The following CHSY1 variants were observed in gnomAD, a reference collection of about 807,000 sequenced individuals.
CHSY1 encodes chondroitin sulfate synthase 1, also known as N-acetylgalactosaminyl-proteoglycan 3-beta-glucuronosyltransferase 1.
A neutral mutation model predicts 59.8 loss-of-function variants in CHSY1; 13 were observed. That is an observed-to-expected ratio of 0.22 (90% CI 0.14 to 0.35). The LOEUF (loss-of-function observed/expected upper bound fraction) is 0.35, where lower values mean the gene tolerates loss of function less well. Among genes scored for constraint, CHSY1 ranks in the 10% least tolerant of loss-of-function variants. The pLI is 1.00. For missense variants in CHSY1, 947 were observed against 1,030.6 expected, an observed-to-expected ratio of 0.92 and a Z score of 1.11; for synonymous variants, 459 against 401.2, an observed-to-expected ratio of 1.14 and a Z score of -1.72.
At chr15:101,222,555 T>C (rs969346565) in intron 2 of CHSY1, among the ~76,000 whole-genome samples, 1 of 152,190 alleles carries the variant, frequency 6.6e-6, no homozygotes. Context: ...TCTCTTCCAA[T>C]CTAGGGCCCC....
At chr15:101,245,854 T>A (rs920884184) in intron 1 of CHSY1, among the ~76,000 whole-genome samples, 1 of 152,236 alleles carries the variant, frequency 6.6e-6, no homozygotes, top group Non-Finnish European at 1.5e-5. Flanking sequence ...GGTTGATTAT[T>A]TGGATTTTAC....
chr15:101,251,266 T>TCGCCGCGCGCCC lies in CHSY1; in HGVS notation c.179_190dup (p.Gly60_Gly63dup), dbSNP rs1555437965. The TCGCCGCGCGCCC allele has an allele frequency of 7.4e-7, 1 of 1,356,556 alleles. No individual in the cohort carries two copies. The allele number at this position is 1,356,556 out of a possible 1,614,324, so 84.0% of individuals were successfully genotyped here. On this transcript the variant is annotated inframe_insertion, in exon 1 of 3. Transcript: ENST00000254190. ...CGGCCAGAGCTGCGCCCCGCGCGCATCGCCGCGCGCCCCGCCGGCCTGGGA... is the reference window on the plus strand; with the variant it reads ...CGGCCAGAGCTGCGCCCCGCGCGCATCGCCGCGCGCCCCGCCGCGCGCCCCGCCGGCCTGGGA...
chr15:101,243,754 A>T (rs2039025395), intron 1 of CHSY1, among the ~76,000 whole-genome samples: 1 of 152,244 alleles, frequency 6.6e-6, no homozygotes. Flanking sequence ...ACAACTTTGC[A>T]GTGCTTGGGC....
chr15:101,187,217 G>A (rs188959848), intron 2 of CHSY1, among the ~76,000 whole-genome samples: 2 of 152,316 alleles, frequency 1.3e-5, no homozygotes, highest in Non-Finnish European at 2.9e-5. Flanking sequence ...AGTGGCTCAC[G>A]CCTGTAATCC....
intron 2 of CHSY1, among the ~76,000 whole-genome samples, chr15:101,185,656 G>T (rs1300781261): frequency 6.9e-6 from 1 of 144,898 alleles, no homozygotes; most frequent in Non-Finnish European, 1.5e-5. Context: ...GCGGCCATTT[G>T]TACTGAACTT....
Position 101,178,907 on chromosome 15 carries a change from A to G in CHSY1, c.890T>C (p.Ile297Thr). 6.2e-7 allele frequency: 1 copy of G among 1,614,038 alleles called. No homozygotes were observed. The highest frequency in any genetic ancestry group is 1.1e-5 in the South Asian group (1 of 91,078). Residue 297 changes from isoleucine to threonine, a missense_variant, in exon 3 of 3, where the codon ATT becomes ACT. Around this residue, in one of 4 missense-constraint regions of CHSY1, gnomAD observed 602 missense variants for 676.9 expected, o/e 0.89. Coordinates refer to ENST00000254190, the MANE Select transcript of CHSY1 (RefSeq NM_014918.5). ...GGGGTGTAATGTGATAGCTTGGTGA[A>G]TTTTACTGTTATGGAGATCTCTAAT... ...GYIRDLHNSK[I>T]HQAITLHPNK... is the part of the protein sequence containing the mutation.
At chr15:101,251,069 G>A (rs2039104267) in intron 1 of CHSY1, 68 bp downstream of exon 1, 11 of 1,440,994 alleles carry the variant, frequency 7.6e-6, no homozygotes, top group Non-Finnish European at 1.0e-5. Flanking sequence ...AGAGCCAGGA[G>A]AGCACCCGGG....
At chr15:101,186,342 A>G (rs1340015228) in intron 2 of CHSY1, among the ~76,000 whole-genome samples, 1 of 151,796 alleles carries the variant, frequency 6.6e-6, no homozygotes, top group East Asian at 1.9e-4. Flanking sequence ...AAATAAATAA[A>G]TAAATAAATA....
At chr15:101,201,943 G>A (rs1022826692) in intron 2 of CHSY1, among the ~76,000 whole-genome samples, 1 of 152,210 alleles carries the variant, frequency 6.6e-6, no homozygotes, top group Non-Finnish European at 1.5e-5. Context: ...GCCCACTACA[G>A]CAGCTAAGGA....
At chr15:101,218,631 CA>C (rs2141265196) in intron 2 of CHSY1, among the ~76,000 whole-genome samples, 1 of 152,282 alleles carries the variant, frequency 6.6e-6, no homozygotes, top group Admixed American at 6.5e-5. Context: ...TACGTTAAAA[CA>C]GGCTGGGCGT....
intron 2 of CHSY1, among the ~76,000 whole-genome samples, chr15:101,193,146 G>A (rs1233913811): frequency 6.6e-6 from 1 of 152,220 alleles, no homozygotes; most frequent in Non-Finnish European, 1.5e-5. Context: ...CAGCAAAGCC[G>A]AGGTTGGCTC....
chr15:101,184,488 A>G (rs934019381), intron 2 of CHSY1, among the ~76,000 whole-genome samples: 1 of 151,396 alleles, frequency 6.6e-6, no homozygotes, highest in African/African-American at 2.4e-5. Context: ...AGCTGGAACT[A>G]TAAGCATACA....
rs2039114495 is a variant in CHSY1, at chr15:101,251,586, G to T, written c.-130C>A. 1 of 145,756 alleles carries T rather than the reference G, an allele frequency of 6.9e-6. No homozygotes were observed. The highest frequency in any genetic ancestry group is 6.9e-5 in the Admixed American group (1 of 14,530). 9.0% of individuals were successfully genotyped at this position (145,756 alleles called of 1,614,324 possible). On this transcript the variant is annotated 5_prime_UTR_variant, in exon 1 of 3. Coordinates refer to ENST00000254190, the MANE Select transcript of CHSY1 (RefSeq NM_014918.5). Reference sequence around the variant, plus strand: ...GCCCGGGCAGCGCCGCCGCCGCCGCGGGCCCGCCGCGCCCATCGCGGCCCC... The same window carrying T: ...GCCCGGGCAGCGCCGCCGCCGCCGCTGGCCCGCCGCGCCCATCGCGGCCCC...
intron 2 of CHSY1, among the ~76,000 whole-genome samples, chr15:101,225,429 T>C (rs1208789610): frequency 6.6e-6 from 1 of 152,176 alleles, no homozygotes; most frequent in Non-Finnish European, 1.5e-5. Flanking sequence ...TTGATATAGT[T>C]TGGATACTTG....
rs890312915 is a variant in CHSY1, at chr15:101,177,321, A to T, written c.*67T>A. The T allele has an allele frequency of 1.6e-5, 24 of 1,499,032 alleles. No individual in the cohort carries two copies. In the African/African-American group the frequency reaches 1.7e-4, roughly 11 times the overall value. The allele number at this position is 1,499,032 out of a possible 1,614,324, so 92.9% of individuals were successfully genotyped here. Reference sequence around the variant, plus strand: ...CCTTGTATACGGACTTCAAAAACTGATCATACAAAAAATTTTTGAAAAATA... The same window carrying T: ...CCTTGTATACGGACTTCAAAAACTGTTCATACAAAAAATTTTTGAAAAATA... On this transcript the variant is annotated 3_prime_UTR_variant, in exon 3 of 3. Coordinates refer to ENST00000254190, the MANE Select transcript of CHSY1 (RefSeq NM_014918.5).
At chr15:101,208,648 G>C (rs1341329267) in intron 2 of CHSY1, among the ~76,000 whole-genome samples, 1 of 149,846 alleles carries the variant, frequency 6.7e-6, no homozygotes, top group African/African-American at 2.5e-5. Context: ...AGGAGGCGGA[G>C]GTTGCAGTGA....
chr15:101,220,618 T>C (rs2038779074), intron 2 of CHSY1, among the ~76,000 whole-genome samples: 1 of 152,162 alleles, frequency 6.6e-6, no homozygotes, highest in Non-Finnish European at 1.5e-5. Flanking sequence ...TGCCTCTCCA[T>C]GAGCAGAGCA....
rs773135273 is a variant in CHSY1, at chr15:101,177,791, T to C, written c.2006A>G (p.Tyr669Cys). 1.2e-5 allele frequency: 19 copies of C among 1,614,108 alleles called. No homozygotes were observed. The highest frequency in any genetic ancestry group is 2.2e-5 in the East Asian group (1 of 44,904). Reference sequence around the variant, plus strand: ...GTTGTCACTGGGAACTTTCCCACTATAAACAATCTTTGGGTCATACTGGCT... The same window carrying C: ...GTTGTCACTGGGAACTTTCCCACTACAAACAATCTTTGGGTCATACTGGCT... Reference protein sequence around the residue: ...IFSQYDPKIVYSGKVPSDNHF... With the variant: ...IFSQYDPKIVCSGKVPSDNHF... Residue 669 changes from tyrosine to cysteine, a missense_variant, in exon 3 of 3, where the codon TAT becomes TGT. By Grantham distance (194) the Tyr-to-Cys change is radical (BLOSUM62 -2). Transcript: ENST00000254190.
chr15:101,233,892 A>G lies in CHSY1; in HGVS notation c.816+1190T>C, dbSNP rs142488827. ...CTTTCACTCAAGTACGTGCTTTAGA[A>G]CATTAGTTCAGAAAAAAGCTAACAG... is the stretch of plus-strand genomic sequence containing the variant. On this transcript the variant is annotated intron_variant, in intron 2 of 2. Transcript: ENST00000254190. 4.9e-3 allele frequency among the ~76,000 whole-genome samples: 751 copies of G among 152,356 alleles called. 5 individuals carry two copies. The highest frequency in any genetic ancestry group is 8.4e-3 in the Non-Finnish European group (569 of 68,036).
Sources: gnomAD v4.1 joint callset for allele counts (sites outside exome capture counted in the v4.1 genomes callset) on GRCh38, gnomAD v4.1.1 for gene constraint, gnomAD v4.1.1 regional missense constraint, MANE v1.5 for transcripts, NCBI Gene and HGNC (gene_info 2026-07-23, HGNC 2026-07-21) for gene names.